ANO2: variants seen among roughly 807,000 people sequenced by gnomAD.
ANO2 encodes the protein anoctamin 2.
ANO2 carries 101 observed loss-of-function variants against 124.2 expected under a neutral mutation model. The observed-to-expected ratio is 0.81, with a 90% CI of 0.69 to 0.96. The LOEUF (loss-of-function observed/expected upper bound fraction) is 0.96, where lower values mean the gene tolerates loss of function less well. Ranked by LOEUF, ANO2 falls within the 40% of genes least tolerant of loss-of-function variation. The probability of loss-of-function intolerance (pLI) is 0.00; values close to 1 mark genes in which losing one functional copy is unlikely to be tolerated. For synonymous variants in ANO2, 486 were observed against 482.5 expected, an observed-to-expected ratio of 1.01 and a Z score of -0.09; for missense variants, 1,293 against 1,274.5, an observed-to-expected ratio of 1.01 and a Z score of -0.22.
At chr12:5,829,493 T>C (rs1954084208) in intron 6 of ANO2, among the ~76,000 whole-genome samples, 1 of 152,202 alleles carries the variant, frequency 6.6e-6, no homozygotes, top group Non-Finnish European at 1.5e-5. Flanking sequence ...TAGCCTCCTC[T>C]AATCACCTGT....
intron 3 of ANO2, among the ~76,000 whole-genome samples, chr12:5,899,919 CTG>C (rs1162333730): frequency 1.3e-5 from 2 of 152,146 alleles, no homozygotes; most frequent in Non-Finnish European, 2.9e-5. Flanking sequence ...GCACAAGTGT[CTG>C]TGTTTGTGTT....
At chr12:5,628,694 G>A (rs542056440) in intron 16 of ANO2, among the ~76,000 whole-genome samples, 257 of 152,210 alleles carry the variant, frequency 1.7e-3, no homozygotes, top group African/African-American at 5.3e-3. Flanking sequence ...GTGTGCGCGC[G>A]CGCACGCGTG....
chr12:5,827,915 G>T lies in ANO2; in HGVS notation c.841-95C>A, dbSNP rs1954028254. ...CCACTGCCTGGCAGGGGCGGGAGGC[G>T]CCCGGGCTCATTTGGAGCCAGGACG... On this transcript the variant is annotated intron_variant, in intron 6 of 24. Transcript: ENST00000682330. 5.0e-6 allele frequency: 7 copies of T among 1,392,562 alleles called. No individual in the cohort carries two copies. In the Admixed American group the frequency reaches 1.3e-4, roughly 26 times the overall value. The allele number at this position is 1,392,562 out of a possible 1,614,324, so 86.3% of individuals were successfully genotyped here.
intron 14 of ANO2, among the ~76,000 whole-genome samples, chr12:5,653,201 C>G (rs1380905608): frequency 6.6e-6 from 1 of 152,166 alleles, no homozygotes; most frequent in Non-Finnish European, 1.5e-5. Flanking sequence ...GGACAGGAAG[C>G]CAAACCTTGC....
intron 13 of ANO2, among the ~76,000 whole-genome samples, chr12:5,733,439 T>TA (rs1178336624): frequency 1.3e-5 from 2 of 152,218 alleles, no homozygotes; most frequent in African/African-American, 2.4e-5. Context: ...AGGTCTTCCT[T>TA]ACGGTTTCCA....
chr12:5,623,852 A>T (rs3782599), intron 16 of ANO2, among the ~76,000 whole-genome samples: 100,597 of 151,948 alleles, frequency 0.66, 33,532 homozygotes, highest in East Asian at 0.81. Flanking sequence ...AGCACAACCA[A>T]CTGGGCTGCC....
chr12:5,790,626 C>T (rs1465058158), intron 10 of ANO2, among the ~76,000 whole-genome samples: 4 of 152,154 alleles, frequency 2.6e-5, no homozygotes, highest in South Asian at 2.1e-4. Context: ...CTAAGCCCTT[C>T]GAAGCCTCTC....
intron 14 of ANO2, among the ~76,000 whole-genome samples, chr12:5,727,239 G>C (rs1250573281): frequency 4.6e-5 from 7 of 151,996 alleles, no homozygotes; most frequent in Admixed American, 6.6e-5. Flanking sequence ...TTAAAAGTGT[G>C]TGGCACCACC....
At position 5,754,139 on chromosome 12, in the gene ANO2, T is replaced by C. The variant is rs142905986; in HGVS notation, c.1056-3169A>G. ...TTCTATTTTTAATTTGTTGAGAATTTTAAATCGTGAAACAGTGCTGACTTT... is the reference window on the plus strand; with the variant it reads ...TTCTATTTTTAATTTGTTGAGAATTCTAAATCGTGAAACAGTGCTGACTTT... On this transcript the variant is annotated intron_variant, in intron 10 of 24. Coordinates refer to ENST00000682330, the MANE Select transcript of ANO2 (RefSeq NM_001364791.2). Among the ~76,000 whole-genome samples, 189 of 152,296 alleles carry C rather than the reference T, an allele frequency of 1.2e-3. 2 individuals are homozygous for C. In the East Asian group the frequency reaches 0.016, roughly 13 times the overall value.
intron 1 of ANO2, among the ~76,000 whole-genome samples, chr12:5,931,394 C>G (rs1942374345): frequency 1.3e-5 from 2 of 152,104 alleles, no homozygotes; most frequent in Non-Finnish European, 1.5e-5. Flanking sequence ...ATTTAACTTC[C>G]CACGTATTGT....
intron 19 of ANO2, among the ~76,000 whole-genome samples, chr12:5,603,332 A>G (rs1189735102): frequency 6.6e-6 from 1 of 152,236 alleles, no homozygotes; most frequent in East Asian, 1.9e-4. Context: ...AGTGACCAAT[A>G]TAAGAGTGTT....
In ANO2 at chr12:5,832,488, T is replaced by C; in HGVS notation, c.749A>G (p.Asn250Ser). 2 of 1,613,586 alleles carry C rather than the reference T, an allele frequency of 1.2e-6. No homozygotes were observed. Among genetic ancestry groups the C allele is most frequent in the Non-Finnish European group, 1.7e-6 (2 of 1,179,810 alleles). The change falls in exon 5 of 25, where the codon AAC (asparagine) becomes AGC (serine). Residue 250 changes from asparagine to serine, a missense_variant. Physicochemically the swap from Asn to Ser is conservative, Grantham distance 46. Transcript: ENST00000682330. ...CTCCCTGGAGAATGGGTAGGAGAGG[T>C]TTTTCATCTTGTTGTTGCTGTGTTC... is the stretch of plus-strand genomic sequence containing the variant. ...VPEHSNNKMK[N>S]LSYPFSREKM...
intron 1 of ANO2, among the ~76,000 whole-genome samples, chr12:5,923,257 TACACAC>T (rs34200084): frequency 0.03 from 2,227 of 74,346 alleles, 165 homozygotes; most frequent in African/African-American, 0.078. Flanking sequence ...TACACACACA[TACACAC>T]ACACACACAC....
chr12:5,655,005 G>A (rs1360438774), intron 14 of ANO2, among the ~76,000 whole-genome samples: 1 of 152,076 alleles, frequency 6.6e-6, no homozygotes, highest in Non-Finnish European at 1.5e-5. Flanking sequence ...GTGTGCCCCC[G>A]TTGCTGCCTG....
intron 2 of ANO2, among the ~76,000 whole-genome samples, chr12:5,921,967 T>C (rs142852892): frequency 7.3e-4 from 111 of 152,214 alleles, no homozygotes; most frequent in Admixed American, 1.1e-3. Context: ...TCTGGATCCA[T>C]TGGAACAAAG....
chr12:5,661,376 T>A (rs1477870751), intron 14 of ANO2, among the ~76,000 whole-genome samples: 3 of 152,226 alleles, frequency 2.0e-5, no homozygotes, highest in African/African-American at 4.8e-5. Context: ...TCAGGCTCAA[T>A]ACTCCTAGTT....
chr12:5,620,272 C>T, intron 16 of ANO2, among the ~76,000 whole-genome samples: 1 of 152,182 alleles, frequency 6.6e-6, no homozygotes, highest in Non-Finnish European at 1.5e-5. Flanking sequence ...GCAGCAGAGC[C>T]AGGGGACCAA....
rs55783865 is a variant in ANO2 at position 5,904,515 on chromosome 12, G to A, written c.534+16525C>T. On this transcript the variant is annotated intron_variant, in intron 3 of 24. Coordinates refer to ENST00000682330, the MANE Select transcript of ANO2 (RefSeq NM_001364791.2). This position sits in a 1 kb window ranked among gnomAD's most constrained non-coding sequence, Gnocchi z 4.1. ...TCACCTCTCCTGATGCCTGTAGCAC[G>A]AATGAGCGGCGCACACACCTGTGGG... 0.11 allele frequency among the ~76,000 whole-genome samples: 16,092 copies of A among 152,216 alleles called. 1,931 individuals carry two copies. The highest frequency in any genetic ancestry group is 0.29 in the African/African-American group (12,223 of 41,478).
At chr12:5,750,630 G>A (rs955043249) in intron 11 of ANO2, among the ~76,000 whole-genome samples, 2 of 152,232 alleles carry the variant, frequency 1.3e-5, no homozygotes, top group Non-Finnish European at 2.9e-5. Context: ...GAGGAAGTAG[G>A]CCTCGCCTAG....
Sources: gnomAD v4.1 joint callset for allele counts (sites outside exome capture counted in the v4.1 genomes callset) on GRCh38, gnomAD v4.1.1 for gene constraint, Gnocchi (gnomAD v3.1) non-coding constraint, MANE v1.5 for transcripts, NCBI Gene and HGNC (gene_info 2026-07-23, HGNC 2026-07-21) for gene names.